Variants in FARS2 observed in about 807,000 individuals in gnomAD.
FARS2 encodes phenylalanyl-tRNA synthetase 2, mitochondrial.
In FARS2, 40 loss-of-function variants were observed where a neutral mutation model predicts 46.4. The ratio of observed to expected loss-of-function variants is 0.86; its 90% CI spans 0.67 to 1.12. The LOEUF is 1.12. FARS2 is among the 50% of genes most tolerant of loss of function. The probability of loss-of-function intolerance (pLI) is 0.00; values close to 1 mark genes in which losing one functional copy is unlikely to be tolerated. For missense variants in FARS2, 513 were observed against 567.9 expected (o/e 0.90, Z 0.98); for synonymous variants, 234 against 214.9 (o/e 1.09, Z -0.78).
At chr6:5,356,454 A>ATAGG in intron 1 of FARS2, among the ~76,000 whole-genome samples, 2 of 152,280 alleles carry the variant, frequency 1.3e-5, no homozygotes, top group Middle Eastern at 6.8e-3. Context: ...CTGTCAAATG[A>ATAGG]TAGGTAGATA....
At chr6:5,301,216 C>G (rs1581728879) in intron 1 of FARS2, among the ~76,000 whole-genome samples, 1 of 152,080 alleles carries the variant, frequency 6.6e-6, no homozygotes, top group African/African-American at 2.4e-5. Context: ...AGAAAAAGGT[C>G]AAGGGTTATA....
intron 6 of FARS2, among the ~76,000 whole-genome samples, chr6:5,673,202 C>T (rs1339555026): frequency 6.6e-6 from 1 of 152,162 alleles, no homozygotes; most frequent in Non-Finnish European, 1.5e-5. Flanking sequence ...GTCTACTTCC[C>T]ACGTTGATTA....
chr6:5,409,930 C>T (rs1244649190), intron 3 of FARS2, among the ~76,000 whole-genome samples: 2 of 152,082 alleles, frequency 1.3e-5, no homozygotes, highest in South Asian at 4.2e-4. Flanking sequence ...GTGTTTGTGA[C>T]GTCCGCTGTA....
In FARS2 at chr6:5,343,743, T is replaced by C. The variant is rs138844004; in HGVS notation, c.-21-24807T>C. On this transcript the variant is annotated intron_variant, in intron 1 of 6. Coordinates refer to ENST00000274680, the MANE Select transcript of FARS2 (RefSeq NM_006567.5). The surrounding 1 kb of genome is among the most constrained non-coding windows in gnomAD (Gnocchi z 4.5). ...TGGGTTCTGTCTAGGGATTCTCCTG[T>C]GGGAGGGAGAGGACCTTTGTCTTGG... is the stretch of plus-strand genomic sequence containing the variant. 1.3e-5 allele frequency among the ~76,000 whole-genome samples: 2 copies of C among 152,312 alleles called. No homozygotes were observed. Among genetic ancestry groups the C allele is most frequent in the East Asian group, 1.9e-4 (1 of 5,184 alleles).
chr6:5,271,915 A>G (rs978346010), intron 1 of FARS2, among the ~76,000 whole-genome samples: 2 of 152,174 alleles, frequency 1.3e-5, no homozygotes. Context: ...TAATGACTCA[A>G]TCACGTAAGC....
At chr6:5,659,547 C>T (rs1250698065) in intron 6 of FARS2, among the ~76,000 whole-genome samples, 1 of 152,218 alleles carries the variant, frequency 6.6e-6, no homozygotes, top group Non-Finnish European at 1.5e-5. Flanking sequence ...TATCCATCCA[C>T]ATGGTTGTAA....
chr6:5,413,583 C>G (rs1175079032), intron 3 of FARS2, among the ~76,000 whole-genome samples: 8 of 152,192 alleles, frequency 5.3e-5, no homozygotes, highest in African/African-American at 1.9e-4. Context: ...GGCCTGTCTT[C>G]TAGCTCTACT....
intron 6 of FARS2, among the ~76,000 whole-genome samples, chr6:5,750,338 C>G (rs566332467): frequency 6.6e-6 from 1 of 152,254 alleles, no homozygotes; most frequent in South Asian, 2.1e-4. Flanking sequence ...GCACCCTTCT[C>G]TCCTCGGACG....
At chr6:5,746,343 T>C (rs922196351) in intron 6 of FARS2, among the ~76,000 whole-genome samples, 3 of 152,138 alleles carry the variant, frequency 2.0e-5, no homozygotes, top group African/African-American at 7.2e-5. Flanking sequence ...TGTTACTCCA[T>C]ACGGATGGTA....
At chr6:5,417,864 G>A (rs997177732) in intron 3 of FARS2, among the ~76,000 whole-genome samples, 2 of 152,080 alleles carry the variant, frequency 1.3e-5, no homozygotes, top group Non-Finnish European at 2.9e-5. Flanking sequence ...TGTGTATGTG[G>A]CCACTTAAAA....
At chr6:5,485,364 A>G (rs181690305) in intron 4 of FARS2, among the ~76,000 whole-genome samples, 2 of 152,282 alleles carry the variant, frequency 1.3e-5, no homozygotes, top group Non-Finnish European at 2.9e-5. Flanking sequence ...ATGAGGGCAT[A>G]CCTTGGTCAG....
At chr6:5,695,025 G>GAT (rs1289221586) in intron 6 of FARS2, 2 of 152,048 alleles carry the variant, frequency 1.3e-5, no homozygotes, top group Non-Finnish European at 2.9e-5. Flanking sequence ...GAAAAAAACA[G>GAT]ATATATATAA....
intron 1 of FARS2, among the ~76,000 whole-genome samples, chr6:5,267,498 C>T (rs1472958676): frequency 6.6e-6 from 1 of 152,040 alleles, no homozygotes; most frequent in Non-Finnish European, 1.5e-5. Flanking sequence ...CACCTGTAAT[C>T]CCAGCACTTT....
intron 5 of FARS2, among the ~76,000 whole-genome samples, chr6:5,611,155 G>A (rs956139908): frequency 5.3e-5 from 8 of 152,240 alleles, no homozygotes; most frequent in African/African-American, 1.9e-4. Context: ...AAACAGTGAG[G>A]ATGAAAAGTA....
intron 3 of FARS2, among the ~76,000 whole-genome samples, chr6:5,414,696 T>C (rs1229590461): frequency 6.6e-6 from 1 of 152,176 alleles, no homozygotes; most frequent in Admixed American, 6.5e-5. Context: ...AGGTTTTGGC[T>C]ATTGCAAATG....
intron 6 of FARS2, among the ~76,000 whole-genome samples, chr6:5,734,917 T>C (rs1760859158): frequency 6.6e-6 from 1 of 152,226 alleles, no homozygotes; most frequent in Non-Finnish European, 1.5e-5. Context: ...TAGTACACTG[T>C]ATCTAGCTGT....
At chr6:5,359,152 G>T (rs747626588) in intron 1 of FARS2, among the ~76,000 whole-genome samples, 1 of 139,244 alleles carries the variant, frequency 7.2e-6, no homozygotes, top group Non-Finnish European at 1.5e-5. Context: ...CTATTCTCCC[G>T]CCTCAGCCTC....
intron 6 of FARS2, among the ~76,000 whole-genome samples, chr6:5,762,685 G>A (rs560193281): frequency 3.0e-4 from 45 of 152,314 alleles, no homozygotes; most frequent in Non-Finnish European, 5.3e-4. Context: ...TGGGCCCGGC[G>A]GGGGAGGCCC....
rs1157630964 is a variant in FARS2 at position 5,311,347 on chromosome 6, T to A, written c.-22+49687T>A. Among the ~76,000 whole-genome samples the A allele has an allele frequency of 6.6e-6, 1 of 152,160 alleles. No individual in the cohort carries two copies. The highest frequency in any genetic ancestry group is 1.5e-5 in the Non-Finnish European group (1 of 68,024). ...CTTCAAAAGGGATCACAGGAAACTT[T>A]TAGGAAAGGTCGCAAAAGCCACTGA... is the stretch of plus-strand genomic sequence containing the variant. On this transcript the variant is annotated intron_variant, in intron 1 of 6. Coordinates refer to ENST00000274680, the MANE Select transcript of FARS2 (RefSeq NM_006567.5). This position sits in a 1 kb window ranked among gnomAD's most constrained non-coding sequence, Gnocchi z 4.1.
Sources: allele counts gnomAD v4.1 joint callset (sites outside exome capture counted in the v4.1 genomes callset), GRCh38; gene constraint gnomAD v4.1.1; non-coding constraint Gnocchi (gnomAD v3.1); transcripts MANE v1.5; gene names NCBI Gene and HGNC (gene_info 2026-07-23, HGNC 2026-07-21).